RABGAP1L: variants seen among roughly 807,000 people sequenced by gnomAD.
RABGAP1L encodes the protein RAB GTPase activating protein 1 like.
Under a neutral mutation model 137.7 loss-of-function variants are expected in RABGAP1L, and 63 were observed. The observed-to-expected ratio is 0.46, with a 90% CI of 0.37 to 0.56. The LOEUF is 0.56. Among genes scored for constraint, RABGAP1L ranks in the 20% least tolerant of loss-of-function variants. The pLI is 0.00. For missense variants in RABGAP1L, 1,095 were observed against 1,244.0 expected, an observed-to-expected ratio of 0.88 and a Z score of 1.80; for synonymous variants, 431 against 433.7, an observed-to-expected ratio of 0.99 and a Z score of 0.08.
intron 6 of RABGAP1L, 105 bp downstream of exon 6, chr1:174,250,737 T>A (rs777250890): frequency 1.4e-5 from 13 of 958,914 alleles, no homozygotes; most frequent in Non-Finnish European, 2.0e-5. Context: ...AGCCTCAAAC[T>A]GATAAATATT....
intron 12 of RABGAP1L, among the ~76,000 whole-genome samples, chr1:174,378,040 G>GT (rs1216501800): frequency 1.4e-5 from 2 of 142,248 alleles, no homozygotes; most frequent in East Asian, 2.0e-4. Context: ...GCGGTGTTTG[G>GT]TTTTTTGTTC....
intron 12 of RABGAP1L, among the ~76,000 whole-genome samples, chr1:174,389,232 T>A (rs1687035688): frequency 1.3e-5 from 2 of 152,046 alleles, no homozygotes; most frequent in Admixed American, 6.6e-5. Flanking sequence ...GATGGAGAAA[T>A]CTCCGACCTT....
chr1:174,808,810 C>T (rs746750014), intron 18 of RABGAP1L, among the ~76,000 whole-genome samples: 12 of 152,026 alleles, frequency 7.9e-5, no homozygotes, highest in East Asian at 7.8e-4. Flanking sequence ...TGCGCCACCA[C>T]GCCTGGCTAA....
intron 12 of RABGAP1L, among the ~76,000 whole-genome samples, chr1:174,386,596 C>G (rs1030459338): frequency 2.0e-5 from 3 of 152,028 alleles, no homozygotes; most frequent in Admixed American, 1.3e-4. Context: ...CAACCTCCAC[C>G]TCCTGGGTTC....
intron 12 of RABGAP1L, among the ~76,000 whole-genome samples, chr1:174,383,391 C>T (rs373279252): frequency 2.5e-4 from 38 of 151,866 alleles, no homozygotes; most frequent in Non-Finnish European, 4.0e-4. Flanking sequence ...CCCCCAGCCT[C>T]ACTGCCGCCT....
intron 1 of RABGAP1L, among the ~76,000 whole-genome samples, chr1:174,208,360 A>G (rs939871273): frequency 6.6e-6 from 1 of 151,810 alleles, no homozygotes; most frequent in African/African-American, 2.4e-5. Flanking sequence ...TCCAATCTGT[A>G]TACGTTTTAT....
intron 11 of RABGAP1L, among the ~76,000 whole-genome samples, chr1:174,314,932 ATC>A (rs1450650279): frequency 6.6e-6 from 1 of 152,166 alleles, no homozygotes; most frequent in East Asian, 1.9e-4. Context: ...CTTGAGAATC[ATC>A]TGTGTTCTGA....
chr1:174,740,769 T>A (rs1033387718), intron 17 of RABGAP1L, among the ~76,000 whole-genome samples: 1 of 152,204 alleles, frequency 6.6e-6, no homozygotes, highest in Admixed American at 6.5e-5. Flanking sequence ...GGATTCTGGC[T>A]GAGGTATGCT....
At position 174,448,412 on chromosome 1, in the gene RABGAP1L, C is replaced by G. The variant is rs147709761; in HGVS notation, c.1710+54267C>G. 6.2e-7 allele frequency: 1 copy of G among 1,612,938 alleles called. No individual in the cohort carries two copies. The highest frequency in any genetic ancestry group is 8.5e-7 in the Non-Finnish European group (1 of 1,178,912). ...TAGCTGCTTGGTTCCTACTCTGTCA[C>G]TTCTCCACTACTCCACAGGTGTCCA... On this transcript the variant is annotated intron_variant, in intron 13 of 25. Coordinates refer to ENST00000681986, the MANE Select transcript of RABGAP1L (RefSeq NM_001366446.1). The surrounding 1 kb of genome is among the most constrained non-coding windows in gnomAD (Gnocchi z 4.2).
chr1:174,488,167 T>A (rs1659856645), intron 13 of RABGAP1L, among the ~76,000 whole-genome samples: 1 of 152,184 alleles, frequency 6.6e-6, no homozygotes, highest in Non-Finnish European at 1.5e-5. Context: ...ATTAATGTCC[T>A]TTTCTTTCTG....
chr1:174,406,262 A>C (rs758405805), intron 13 of RABGAP1L, among the ~76,000 whole-genome samples: 11 of 152,172 alleles, frequency 7.2e-5, no homozygotes, highest in Non-Finnish European at 1.3e-4. Context: ...ACTGTGTATA[A>C]AATTTAAAAT....
At chr1:174,514,627 A>T (rs1451808025) in intron 13 of RABGAP1L, among the ~76,000 whole-genome samples, 6 of 152,204 alleles carry the variant, frequency 3.9e-5, no homozygotes, top group Non-Finnish European at 1.5e-5. Context: ...TTCACTGTGG[A>T]GTTTTCCCTC....
chr1:174,218,190 C>G (rs376184670), intron 1 of RABGAP1L, among the ~76,000 whole-genome samples: 3 of 152,024 alleles, frequency 2.0e-5, no homozygotes, highest in African/African-American at 7.2e-5. Flanking sequence ...TTAATTTGTC[C>G]GTATACTTCC....
intron 13 of RABGAP1L, among the ~76,000 whole-genome samples, chr1:174,416,037 C>CACACATATATAT (rs1553297987): frequency 7.9e-6 from 1 of 126,270 alleles, no homozygotes; most frequent in African/African-American, 3.7e-5. Flanking sequence ...TATATATATA[C>CACACATATATAT]ACACACATTT....
intron 11 of RABGAP1L, among the ~76,000 whole-genome samples, chr1:174,349,936 C>T (rs866043967): frequency 0.17 from 17,450 of 103,214 alleles, 773 homozygotes; most frequent in African/African-American, 0.22. Flanking sequence ...CCCTCCCGGA[C>T]GGGGCGGCTG....
At chr1:174,291,158 C>T (rs1030590489) in intron 10 of RABGAP1L, among the ~76,000 whole-genome samples, 2 of 152,088 alleles carry the variant, frequency 1.3e-5, no homozygotes, top group African/African-American at 2.4e-5. Flanking sequence ...TCTTCTCTTG[C>T]TTAGTTTTTT....
intron 17 of RABGAP1L, among the ~76,000 whole-genome samples, chr1:174,725,379 T>G (rs764903973): frequency 6.6e-6 from 1 of 152,222 alleles, no homozygotes; most frequent in Non-Finnish European, 1.5e-5. Flanking sequence ...ATACGTAGTG[T>G]GAAGGTTGAG....
chr1:174,623,192 T>C (rs1163653279), intron 13 of RABGAP1L, among the ~76,000 whole-genome samples: 1 of 152,210 alleles, frequency 6.6e-6, no homozygotes, highest in Admixed American at 6.5e-5. Context: ...TTATGAATAA[T>C]ATTTTGTTAA....
intron 19 of RABGAP1L, among the ~76,000 whole-genome samples, chr1:174,868,178 C>T (rs1189567801): frequency 4.0e-5 from 6 of 151,834 alleles, no homozygotes; most frequent in African/African-American, 1.2e-4. Context: ...AGGCTGGTCT[C>T]GAACTCCTGA....
Sources: allele counts gnomAD v4.1 joint callset (sites outside exome capture counted in the v4.1 genomes callset), GRCh38; gene constraint gnomAD v4.1.1; non-coding constraint Gnocchi (gnomAD v3.1); transcripts MANE v1.5; gene names NCBI Gene and HGNC (gene_info 2026-07-23, HGNC 2026-07-21).